Variants in PHF21B observed in about 807,000 individuals in gnomAD.
The protein encoded by PHF21B is PHD finger protein 4.
PHF21B carries 22 observed loss-of-function variants against 62.2 expected under a neutral mutation model. The ratio of observed to expected loss-of-function variants is 0.35; its 90% CI spans 0.25 to 0.51. PHF21B has a LOEUF of 0.51. Among genes scored for constraint, PHF21B ranks in the 20% least tolerant of loss-of-function variants. The pLI is 0.97. For missense variants in PHF21B, 701 were observed against 707.9 expected (o/e 0.99, Z 0.11); for synonymous variants, 341 against 314.7 (o/e 1.08, Z -0.88).
At chr22:44,889,645 AG>A (rs2070925537) in intron 9 of PHF21B, 114 bp downstream of exon 9, 1 of 1,290,922 alleles carries the variant, frequency 7.7e-7, no homozygotes, top group Non-Finnish European at 1.1e-6. Context: ...CAGAACCGAA[AG>A]GCCTTCTGCA....
At chr22:44,904,962 G>A (rs1425483813) in intron 5 of PHF21B, among the ~76,000 whole-genome samples, 2 of 152,170 alleles carry the variant, frequency 1.3e-5, no homozygotes, top group South Asian at 2.1e-4. Context: ...CTGTCATTCC[G>A]CTGTTTTTGC....
At chr22:44,914,707 T>TGGGGAA (rs1182614634) in intron 4 of PHF21B, among the ~76,000 whole-genome samples, 2 of 152,178 alleles carry the variant, frequency 1.3e-5, no homozygotes, top group Admixed American at 1.3e-4. Flanking sequence ...ACGTGGTGGA[T>TGGGGAA]GGGGAAGGGG....
intron 2 of PHF21B, among the ~76,000 whole-genome samples, chr22:45,007,394 G>A (rs977963258): frequency 6.6e-6 from 1 of 150,922 alleles, no homozygotes; most frequent in Non-Finnish European, 1.5e-5. Flanking sequence ...GGGAGGGGGC[G>A]TCCGATCCGG....
intron 2 of PHF21B, among the ~76,000 whole-genome samples, chr22:44,998,471 C>A (rs1196901797): frequency 2.0e-5 from 3 of 152,188 alleles, no homozygotes; most frequent in African/African-American, 4.8e-5. Flanking sequence ...CAATTCCCAA[C>A]CCCGACCGGG....
intron 2 of PHF21B, among the ~76,000 whole-genome samples, chr22:44,978,733 TC>T (rs1209240076): frequency 6.6e-6 from 1 of 152,230 alleles, no homozygotes; most frequent in East Asian, 1.9e-4. Flanking sequence ...CGCCCTTTTT[TC>T]CTCTTCTACT....
chr22:44,883,188 G>A lies in PHF21B; in HGVS notation c.1494C>T (p.Thr498=). The A allele has an allele frequency of 6.2e-7, 1 of 1,613,564 alleles. No homozygotes were observed. The highest frequency in any genetic ancestry group is 8.5e-7 in the Non-Finnish European group (1 of 1,179,962). ...LIQGEQLLQV[T]MTTTSPAPLL... ...GTGGGGCAGGGCTAGTGGTCGTCAT[G>A]GTGACCTGGAGCAGCTGCTCGCCCT... is the stretch of plus-strand genomic sequence containing the variant. Residue 498 remains threonine (T), a synonymous_variant, in exon 13 of 13, where the codon ACC becomes ACT. Coordinates refer to ENST00000313237, the MANE Select transcript of PHF21B (RefSeq NM_138415.5).
chr22:44,952,877 G>A (rs1273256446), intron 2 of PHF21B, among the ~76,000 whole-genome samples: 1 of 152,166 alleles, frequency 6.6e-6, no homozygotes, highest in Non-Finnish European at 1.5e-5. Flanking sequence ...CAAAAGGCAG[G>A]ATTCAGCCCC....
At chr22:44,960,050 T>C (rs1231701104) in intron 2 of PHF21B, among the ~76,000 whole-genome samples, 1 of 152,098 alleles carries the variant, frequency 6.6e-6, no homozygotes, top group East Asian at 1.9e-4. Context: ...CCTGCAACCC[T>C]CTCTAATGGC....
chr22:44,946,941 GC>G (rs1415096064), intron 2 of PHF21B, among the ~76,000 whole-genome samples: 1 of 152,204 alleles, frequency 6.6e-6, no homozygotes, highest in Non-Finnish European at 1.5e-5. Context: ...TGGAAACGGG[GC>G]ACAGGATAGA....
At chr22:44,915,059 G>C (rs1009833475) in intron 4 of PHF21B, among the ~76,000 whole-genome samples, 5 of 152,182 alleles carry the variant, frequency 3.3e-5, no homozygotes, top group African/African-American at 1.2e-4. Context: ...ACTGTCTGAT[G>C]AATTTGAGGC....
intron 2 of PHF21B, among the ~76,000 whole-genome samples, chr22:44,931,307 C>A (rs910200793): frequency 6.6e-6 from 1 of 152,144 alleles, no homozygotes; most frequent in South Asian, 2.1e-4. Flanking sequence ...ACTGCGGGAA[C>A]AAAGATATGC....
chr22:44,952,968 C>G (rs748960985), intron 2 of PHF21B, among the ~76,000 whole-genome samples: 2 of 149,358 alleles, frequency 1.3e-5, no homozygotes, highest in Non-Finnish European at 2.9e-5. Flanking sequence ...GCCCTGCTGA[C>G]CTAGCTCCTC....
chr22:44,899,475 G>T (rs1317072982), intron 5 of PHF21B, among the ~76,000 whole-genome samples: 1 of 151,864 alleles, frequency 6.6e-6, no homozygotes, highest in African/African-American at 2.4e-5. Flanking sequence ...ATTTCTAGTA[G>T]AGACGGGGTT....
At chr22:44,948,830 T>C (rs1306235582) in intron 2 of PHF21B, among the ~76,000 whole-genome samples, 3 of 152,210 alleles carry the variant, frequency 2.0e-5, no homozygotes, top group South Asian at 2.1e-4. Flanking sequence ...ATATGGAGAT[T>C]TGAAGTTGTC....
intron 5 of PHF21B, among the ~76,000 whole-genome samples, chr22:44,905,948 A>T (rs1170454977): frequency 1.3e-5 from 2 of 152,152 alleles, no homozygotes; most frequent in Non-Finnish European, 2.9e-5. Flanking sequence ...CCCTTTCAGC[A>T]AGTTTGCAGT....
chr22:44,948,979 G>T (rs1473595255), intron 2 of PHF21B, among the ~76,000 whole-genome samples: 3 of 152,184 alleles, frequency 2.0e-5, no homozygotes, highest in Non-Finnish European at 4.4e-5. Flanking sequence ...TTCTTTGGTG[G>T]TTGGGAAGTA....
chr22:44,885,345 T>G, intron 12 of PHF21B, 81 bp downstream of exon 12: 2 of 1,337,908 alleles, frequency 1.5e-6, no homozygotes, highest in Non-Finnish European at 2.0e-6. Context: ...CCTGTGGTTC[T>G]AAGGACACAT....
intron 2 of PHF21B, among the ~76,000 whole-genome samples, chr22:44,934,175 C>T (rs1399162932): frequency 1.3e-5 from 2 of 152,158 alleles, no homozygotes; most frequent in South Asian, 2.1e-4. Context: ...GGCCTTTGCA[C>T]GGGGCTCAGA....
chr22:44,884,488 T>C (rs1399044170), intron 12 of PHF21B, among the ~76,000 whole-genome samples: 2 of 135,480 alleles, frequency 1.5e-5, no homozygotes, highest in Non-Finnish European at 3.2e-5. Flanking sequence ...ACCACCACCA[T>C]GATCACCATC....
Sources: gnomAD v4.1 joint callset for allele counts (sites outside exome capture counted in the v4.1 genomes callset) on GRCh38, gnomAD v4.1.1 for gene constraint, MANE v1.5 for transcripts, NCBI Gene and HGNC (gene_info 2026-07-23, HGNC 2026-07-21) for gene names.